CRB1: variants seen among roughly 807,000 people sequenced by gnomAD.
The protein encoded by CRB1 is crumbs cell polarity complex component 1.
A neutral mutation model predicts 120.0 loss-of-function variants in CRB1; 83 were observed. The observed-to-expected ratio is 0.69, with a 90% CI of 0.58 to 0.83. CRB1 has a LOEUF of 0.83. Among genes scored for constraint, CRB1 ranks in the 40% least tolerant of loss-of-function variants. CRB1 has a pLI of 0.00. For missense variants in CRB1, 1,699 were observed against 1,687.6 expected (o/e 1.01, Z -0.12); for synonymous variants, 625 against 612.5 (o/e 1.02, Z -0.30).
At chr1:197,372,046 C>A (rs530186116) in intron 5 of CRB1, among the ~76,000 whole-genome samples, 2 of 152,070 alleles carry the variant, frequency 1.3e-5, no homozygotes, top group Non-Finnish European at 2.9e-5. Flanking sequence ...TATGAATATG[C>A]CACTCCATGA....
At chr1:197,405,275 G>A (rs1396030749) in intron 5 of CRB1, among the ~76,000 whole-genome samples, 1 of 152,142 alleles carries the variant, frequency 6.6e-6, no homozygotes, top group South Asian at 2.1e-4. Flanking sequence ...ACGGGGTTTC[G>A]CTGTGTTGGC....
rs1184687882 is a variant in CRB1 at position 197,428,011 on chromosome 1, A to G, written c.2676+10A>G. On this transcript the variant is annotated intron_variant, in intron 7 of 11. Transcript: ENST00000367400. Reference sequence around the variant, plus strand: ...AGACAACAGCTGCAAGGTAATGATTACTCATACAAACTAGGTATATACTGT... The same window carrying G: ...AGACAACAGCTGCAAGGTAATGATTGCTCATACAAACTAGGTATATACTGT... 1.2e-6 allele frequency: 2 copies of G among 1,610,074 alleles called. No individual in the cohort carries two copies. Among genetic ancestry groups the G allele is most frequent in the Non-Finnish European group, 1.7e-6 (2 of 1,177,236 alleles).
chr1:197,360,815 T>A (rs1049933892), intron 5 of CRB1, among the ~76,000 whole-genome samples: 1 of 152,210 alleles, frequency 6.6e-6, no homozygotes, highest in Non-Finnish European at 1.5e-5. Flanking sequence ...CTGTGTTGAG[T>A]ACGAGTTGTG....
At chr1:197,381,957 C>T (rs1038275180) in intron 5 of CRB1, among the ~76,000 whole-genome samples, 3 of 152,142 alleles carry the variant, frequency 2.0e-5, no homozygotes, top group Non-Finnish European at 4.4e-5. Flanking sequence ...CAAAGGGTCT[C>T]TCCTCCTTTA....
chr1:197,382,791 A>G (rs1388516019), intron 5 of CRB1, among the ~76,000 whole-genome samples: 2 of 152,208 alleles, frequency 1.3e-5, no homozygotes, highest in African/African-American at 4.8e-5. Context: ...GCATGCCCTG[A>G]AAATAATAAG....
rs1482942636 is a variant in CRB1 at position 197,435,012 on chromosome 1, G to A, written c.3149G>A (p.Arg1050Lys). The change falls in exon 9 of 12, where the codon AGG becomes AAG. Residue 1050 changes from arginine to lysine, a missense_variant. Physicochemically the swap from Arg to Lys is conservative, Grantham distance 26. Transcript: ENST00000367400. ...ACAGACCCACTGTCCCAGACCTCCA[G>A]GTGGCAAATGGAAGTGGACAACGAA... The part of the protein sequence containing the change: ...SMTDPLSQTS[R>K]WQMEVDNETP... 3.1e-6 allele frequency: 5 copies of A among 1,613,936 alleles called. No individual in the cohort carries two copies. The highest frequency in any genetic ancestry group is 3.4e-6 in the Non-Finnish European group (4 of 1,179,892).
intron 4 of CRB1, among the ~76,000 whole-genome samples, chr1:197,356,468 G>A (rs1406037779): frequency 6.6e-6 from 1 of 152,134 alleles, no homozygotes; most frequent in Non-Finnish European, 1.5e-5. Context: ...GATATTTGCT[G>A]ACTTTTCAGC....
intron 5 of CRB1, among the ~76,000 whole-genome samples, chr1:197,395,891 G>T (rs535887236): frequency 6.6e-6 from 1 of 152,246 alleles, no homozygotes; most frequent in East Asian, 1.9e-4. Flanking sequence ...AGCTAACATA[G>T]TAATGGTGAA....
At chr1:197,216,348 A>T in the CRB1 span, among the ~76,000 whole-genome samples, 7 of 152,220 alleles carry the variant, frequency 4.6e-5, no homozygotes, top group Non-Finnish European at 1.0e-4. Flanking sequence ...AGACATATTA[A>T]TTCTATTTAC....
chr1:197,286,882 T>C (rs952664437), intron 1 of CRB1, among the ~76,000 whole-genome samples: 2 of 151,942 alleles, frequency 1.3e-5, no homozygotes, highest in Admixed American at 6.6e-5. Flanking sequence ...TATTTAAGCA[T>C]TTGACTTATT....
chr1:197,419,746 G>A (rs552690190), intron 5 of CRB1, among the ~76,000 whole-genome samples: 4 of 151,238 alleles, frequency 2.6e-5, no homozygotes, highest in South Asian at 2.1e-4. Context: ...AGGCCGAGGC[G>A]GGTGGATCAC....
the CRB1 span, among the ~76,000 whole-genome samples, chr1:197,260,693 T>C: frequency 4.6e-5 from 7 of 151,576 alleles, no homozygotes; most frequent in Non-Finnish European, 1.0e-4. Flanking sequence ...ATGCTACAAC[T>C]AACTAATTTT....
intron 1 of CRB1, among the ~76,000 whole-genome samples, chr1:197,281,399 T>C (rs1655513275): frequency 6.6e-6 from 1 of 151,870 alleles, no homozygotes; most frequent in Non-Finnish European, 1.5e-5. Flanking sequence ...TGCACCATAC[T>C]TGCTCATGTA....
At chr1:197,417,278 G>A (rs955392663) in intron 5 of CRB1, among the ~76,000 whole-genome samples, 2 of 152,198 alleles carry the variant, frequency 1.3e-5, no homozygotes, top group African/African-American at 2.4e-5. Context: ...ATGAAAAAGC[G>A]TGATGACTCT....
At chr1:197,227,585 A>G in the CRB1 span, among the ~76,000 whole-genome samples, 26 of 152,134 alleles carry the variant, frequency 1.7e-4, no homozygotes, top group South Asian at 5.4e-3. Context: ...TGCAGGGTAT[A>G]GCCCCCCTCC....
chr1:197,339,296 G>A (rs1456669383), intron 2 of CRB1, among the ~76,000 whole-genome samples: 1 of 152,138 alleles, frequency 6.6e-6, no homozygotes, highest in Non-Finnish European at 1.5e-5. Context: ...ATAATATCTA[G>A]GAGGAGAACT....
chr1:197,454,209 T>C (rs1158379874), intron 11 of CRB1, among the ~76,000 whole-genome samples: 1 of 151,670 alleles, frequency 6.6e-6, no homozygotes, highest in Non-Finnish European at 1.5e-5. Context: ...AATACTGTAC[T>C]GTGCACTTGA....
chr1:197,444,416 C>T lies in CRB1; in HGVS notation c.4005+2124C>T, dbSNP rs756621040. 2.6e-5 allele frequency: 4 copies of T among 152,114 alleles called. 1 individual carries two copies. The South Asian group carries it at 8.3e-4, about 32-fold the overall frequency. 9.4% of individuals were successfully genotyped at this position (152,114 alleles called of 1,614,324 possible). ...TTTGTTCCAAAGTTAAATTTTGTGACAAAAGACATGGGGAAAACCTTCCCA... is the reference window on the plus strand; with the variant it reads ...TTTGTTCCAAAGTTAAATTTTGTGATAAAAGACATGGGGAAAACCTTCCCA... On this transcript the variant is annotated intron_variant, in intron 11 of 11. Coordinates refer to ENST00000367400, the MANE Select transcript of CRB1 (RefSeq NM_201253.3).
rs1216212132 is a variant in CRB1 at position 197,328,585 on chromosome 1, C to T, written c.234C>T (p.Pro78=). ...TGAAAGACCCTTGCTTCTCCAATCC[C>T]TGTCAAGGAAGTGCCACTTGTGTGA... ...DNMKDPCFSN[P]CQGSATCVNT... is the part of the protein sequence containing the mutation. Residue 78 remains proline, a synonymous_variant, in exon 2 of 12, where the codon CCC becomes CCT. Transcript: ENST00000367400. 1.9e-6 allele frequency: 3 copies of T among 1,614,108 alleles called. No individual in the cohort carries two copies. The highest frequency in any genetic ancestry group is 2.5e-6 in the Non-Finnish European group (3 of 1,180,038).
Sources: gnomAD v4.1 joint callset for allele counts (sites outside exome capture counted in the v4.1 genomes callset) on GRCh38, gnomAD v4.1.1 for gene constraint, MANE v1.5 for transcripts, NCBI Gene and HGNC (gene_info 2026-07-23, HGNC 2026-07-21) for gene names.